MDN1: variants seen among roughly 807,000 people sequenced by gnomAD.
MDN1 encodes the protein midasin.
Under a neutral mutation model 669.2 loss-of-function variants are expected in MDN1, and 266 were observed. The ratio of observed to expected loss-of-function variants is 0.40; its 90% CI spans 0.36 to 0.44. The LOEUF is 0.44. Ranked by LOEUF, MDN1 falls within the 20% of genes least tolerant of loss-of-function variation. The pLI is 1.00. For missense variants in MDN1, 5,940 were observed against 6,754.0 expected, an observed-to-expected ratio of 0.88 and a Z score of 4.22; for synonymous variants, 2,385 against 2,457.1, an observed-to-expected ratio of 0.97 and a Z score of 0.87.
At position 89,693,077 on chromosome 6, in the gene MDN1, G is replaced by A; in HGVS notation, c.9953C>T (p.Pro3318Leu). Residue 3318 changes from proline to leucine, a missense_variant, in exon 63 of 102, where the codon CCC (proline) becomes CTC (leucine). Physicochemically the swap from Pro to Leu is moderately conservative, Grantham distance 98. Transcript: ENST00000369393. ...CHLLKKQAFR[P>L]QLPAYESLVQ... is the part of the protein sequence containing the mutation. Reference sequence around the variant, plus strand: ...CAGGGACTCGTAGGCAGGCAGCTGGGGTCTAAAGGCCTGTTTCTTCAACAG... The same window carrying A: ...CAGGGACTCGTAGGCAGGCAGCTGGAGTCTAAAGGCCTGTTTCTTCAACAG... 6.2e-7 allele frequency: 1 copy of A among 1,613,862 alleles called. No individual in the cohort carries two copies. The highest frequency in any genetic ancestry group is 1.7e-5 in the Admixed American group (1 of 59,980).
chr6:89,816,700 A>T (rs1407473195), intron 1 of MDN1, among the ~76,000 whole-genome samples: 1 of 119,768 alleles, frequency 8.3e-6, no homozygotes, highest in African/African-American at 3.3e-5. Flanking sequence ...TTTGAGACAG[A>T]GTCTCGCTCT....
rs115021192 is a variant in MDN1, at chr6:89,652,975, T to G, written c.15825+17A>C. The G allele has an allele frequency of 2.5e-5, 40 of 1,608,698 alleles. No individual in the cohort carries two copies. The African/African-American group carries it at 5.1e-4, about 20-fold the overall frequency. On this transcript the variant is annotated intron_variant, in intron 94 of 101. Transcript: ENST00000369393. ...TATTAACACTATATTAATGCAGTAA[T>G]TTGTGAGTTTTACTACCTGGAAGAT...
intron 53 of MDN1, among the ~76,000 whole-genome samples, chr6:89,704,978 C>G (rs553693804): frequency 2.0e-5 from 3 of 152,254 alleles, no homozygotes; most frequent in African/African-American, 7.2e-5. Flanking sequence ...TTTGGTGTGC[C>G]ATCAAATAAG....
At chr6:89,656,035 A>G in intron 91 of MDN1, 67 bp from the exon 92 acceptor site, 1 of 1,373,320 alleles carries the variant, frequency 7.3e-7, no homozygotes, top group African/African-American at 1.4e-5. Flanking sequence ...AGTAAACATA[A>G]TATCCATCTA....
At chr6:89,747,685 A>G (rs886979310) in intron 26 of MDN1, among the ~76,000 whole-genome samples, 1 of 151,918 alleles carries the variant, frequency 6.6e-6, no homozygotes, top group Non-Finnish European at 1.5e-5. Context: ...AGGTCAGGAA[A>G]TCGAGACCAT....
intron 1 of MDN1, among the ~76,000 whole-genome samples, chr6:89,812,941 A>C (rs977527886): frequency 1.3e-5 from 2 of 151,736 alleles, no homozygotes; most frequent in Admixed American, 6.6e-5. Flanking sequence ...TCTCTACAAA[A>C]ATTTTTTTTT....
intron 90 of MDN1, among the ~76,000 whole-genome samples, chr6:89,657,326 T>C (rs1809389873): frequency 6.6e-6 from 1 of 152,172 alleles, no homozygotes; most frequent in African/African-American, 2.4e-5. Context: ...ATGGTTGTTA[T>C]TGTCAGTAAG....
Position 89,723,021 on chromosome 6 carries a change from A to AT in MDN1, c.5900dup (p.Tyr1967Ter). The change falls in exon 40 of 102, where the codon TAT becomes TAAT. Residue 1967 changes from tyrosine (Y) to a stop codon, truncating the protein, a stop_gained and frameshift_variant. Transcript: ENST00000369393. LOFTEE classifies it high-confidence loss of function. ...CCAAAAACACATGCTGACCAGGATCATAACACCCAGGGGACTGGTCAACCA... is the reference window on the plus strand; with the variant it reads ...CCAAAAACACATGCTGACCAGGATCATTAACACCCAGGGGACTGGTCAACCA... ...LMLVDQSPGC[Y>*]DPGQHVFLVY... 6.2e-7 allele frequency: 1 copy of AT among 1,614,134 alleles called. No homozygotes were observed. Among genetic ancestry groups the AT allele is most frequent in the Admixed American group, 1.7e-5 (1 of 60,024 alleles).
intron 97 of MDN1, among the ~76,000 whole-genome samples, chr6:89,649,265 G>A (rs1401984637): frequency 6.6e-6 from 1 of 152,172 alleles, no homozygotes; most frequent in African/African-American, 2.4e-5. Flanking sequence ...CAAGTATGAG[G>A]TTATTACTAT....
At chr6:89,722,865 A>AAT (rs1554186696) in intron 40 of MDN1, 90 bp downstream of exon 40, 9,867 of 831,168 alleles carry the variant, frequency 0.012, 123 homozygotes, top group Non-Finnish European at 0.014. Context: ...AAAAAAAAAA[A>AAT]AAGGCTTGCA....
Position 89,794,658 on chromosome 6 carries a change from T to C in MDN1, c.473A>G (p.Gln158Arg), listed in dbSNP as rs1315047265. 3.1e-6 allele frequency: 5 copies of C among 1,614,162 alleles called. No homozygotes were observed. The South Asian group carries it at 5.5e-5, about 18-fold the overall frequency. ...LMEAAFKFLQ[Q>R]EQSVFRELWD... ...GAGCTCCCGGAACACAGACTGCTCC[T>C]GCTGCAGAAACTTGAAGGCTGCTTC... Residue 158 changes from glutamine (Q) to arginine (R), a missense_variant, in exon 3 of 102, where the codon CAG (glutamine) becomes CGG (arginine). Physicochemically the swap from Gln to Arg is conservative, Grantham distance 43. Around this residue, in one of 5 missense-constraint regions of MDN1, gnomAD observed 1,203 missense variants for 1,268.9 expected, o/e 0.95. Transcript: ENST00000369393.
chr6:89,716,025 A>G (rs764190434), intron 44 of MDN1, among the ~76,000 whole-genome samples: 12 of 152,348 alleles, frequency 7.9e-5, no homozygotes, highest in East Asian at 3.9e-4. Context: ...AAAGAAAATG[A>G]TAAGTTCCTT....
intron 33 of MDN1, among the ~76,000 whole-genome samples, chr6:89,737,048 C>A (rs1816019364): frequency 6.6e-6 from 1 of 152,174 alleles, no homozygotes; most frequent in Admixed American, 6.5e-5. Context: ...AGTCTGACAA[C>A]TAACTACAGG....
At chr6:89,788,542 G>A (rs1819088024) in intron 7 of MDN1, among the ~76,000 whole-genome samples, 1 of 152,202 alleles carries the variant, frequency 6.6e-6, no homozygotes, top group Non-Finnish European at 1.5e-5. Context: ...GGTAGAATGT[G>A]CAGTAAGAAG....
intron 33 of MDN1, among the ~76,000 whole-genome samples, chr6:89,734,463 G>A (rs1486349163): frequency 6.6e-6 from 1 of 151,874 alleles, no homozygotes; most frequent in Non-Finnish European, 1.5e-5. Context: ...GACCAGCCTG[G>A]CCAATATGGC....
intron 9 of MDN1, among the ~76,000 whole-genome samples, 192 bp downstream of exon 9, chr6:89,784,820 G>C (rs1386941304): frequency 6.6e-6 from 1 of 152,202 alleles, no homozygotes; most frequent in Non-Finnish European, 1.5e-5. Context: ...TTTAAGAGAT[G>C]TATGCTGGGA....
chr6:89,689,964 A>T lies in MDN1; in HGVS notation c.10929T>A (p.Thr3643=). Residue 3643 remains threonine, a synonymous_variant, in exon 65 of 102, where the codon ACT becomes ACA. Coordinates refer to ENST00000369393, the MANE Select transcript of MDN1 (RefSeq NM_014611.3). Reference sequence around the variant, plus strand: ...AATGCTTTGCTTCATGTGGCGGCAGAGTCTGTTGATACCAGAGGGATCGAG... The same window carrying T: ...AATGCTTTGCTTCATGTGGCGGCAGTGTCTGTTGATACCAGAGGGATCGAG... The part of the protein sequence containing the change: ...NFARSLWYQQ[T]LPPHEAKHYL... 6.2e-7 allele frequency: 1 copy of T among 1,614,230 alleles called. No individual in the cohort carries two copies. The highest frequency in any genetic ancestry group is 8.5e-7 in the Non-Finnish European group (1 of 1,180,036).
In MDN1 at chr6:89,713,298, T is replaced by G. The variant is rs1158249301; in HGVS notation, c.7070-2A>C. ...TTGATACAGAAGATGTTGGAGAACC[T>G]ATTAAAAAAAAATTGCCATCTATAA... is the stretch of plus-strand genomic sequence containing the variant. On this transcript the variant is annotated splice_acceptor_variant, in intron 46 of 101. Coordinates refer to ENST00000369393, the MANE Select transcript of MDN1 (RefSeq NM_014611.3). LOFTEE classifies it high-confidence loss of function. 1 of 1,601,238 alleles carries G rather than the reference T, an allele frequency of 6.2e-7. No homozygotes were observed. Among genetic ancestry groups the G allele is most frequent in the African/African-American group, 1.4e-5 (1 of 73,926 alleles).
intron 101 of MDN1, 36 bp downstream of exon 101, chr6:89,644,979 T>G: frequency 6.4e-7 from 1 of 1,565,392 alleles, no homozygotes; most frequent in South Asian, 1.1e-5. Context: ...ATCCCCACTT[T>G]ACCTCCAGAA....
Sources: gnomAD v4.1 joint callset for allele counts (sites outside exome capture counted in the v4.1 genomes callset) on GRCh38, gnomAD v4.1.1 for gene constraint, gnomAD v4.1.1 regional missense constraint, MANE v1.5 for transcripts, NCBI Gene and HGNC (gene_info 2026-07-23, HGNC 2026-07-21) for gene names.